The following IFT81 variants were observed in gnomAD, a reference collection of about 807,000 sequenced individuals.
IFT81 encodes intraflagellar transport 81, also known as intraflagellar transport protein 81 homolog.
IFT81 carries 72 observed loss-of-function variants against 102.6 expected under a neutral mutation model. That is an observed-to-expected ratio of 0.70 (90% CI 0.58 to 0.85). The LOEUF (loss-of-function observed/expected upper bound fraction) is 0.85, where lower values mean the gene tolerates loss of function less well. Among genes scored for constraint, IFT81 ranks in the 40% least tolerant of loss-of-function variants. IFT81 has a pLI of 0.00. For missense variants in IFT81, 723 were observed against 787.3 expected (o/e 0.92, Z 0.98); for synonymous variants, 237 against 242.7 (o/e 0.98, Z 0.22).
intron 1 of IFT81, among the ~76,000 whole-genome samples, chr12:110,125,080 A>G (rs1177721250): frequency 1.3e-5 from 2 of 152,164 alleles, no homozygotes; most frequent in Non-Finnish European, 2.9e-5. Flanking sequence ...TAGTTTATCC[A>G]GATTTTTTTT....
At chr12:110,173,020 C>T (rs1444601176) in intron 11 of IFT81, among the ~76,000 whole-genome samples, 1 of 149,160 alleles carries the variant, frequency 6.7e-6, no homozygotes, top group African/African-American at 2.5e-5. Context: ...GGCCAGCCGC[C>T]CCGTCCAGGA....
At chr12:110,134,256 C>T (rs1593280398) in intron 5 of IFT81, among the ~76,000 whole-genome samples, 1 of 152,288 alleles carries the variant, frequency 6.6e-6, no homozygotes, top group East Asian at 1.9e-4. Context: ...ACAGTGCTAT[C>T]GGTAATGAGT....
intron 17 of IFT81, among the ~76,000 whole-genome samples, chr12:110,207,538 T>C (rs867121844): frequency 6.6e-6 from 1 of 151,594 alleles, no homozygotes; most frequent in Admixed American, 6.6e-5. Flanking sequence ...TGTGTTCCTT[T>C]ACCCCTCGTC....
At chr12:110,190,616 ATTCT>A (rs1435240291) in intron 12 of IFT81, among the ~76,000 whole-genome samples, 3 of 152,078 alleles carry the variant, frequency 2.0e-5, no homozygotes, top group Admixed American at 6.6e-5. Flanking sequence ...TTGAGAATTC[ATTCT>A]TTCATCAAAT....
At chr12:110,175,858 A>G (rs954000620) in intron 11 of IFT81, among the ~76,000 whole-genome samples, 2 of 152,092 alleles carry the variant, frequency 1.3e-5, no homozygotes, top group African/African-American at 2.4e-5. Flanking sequence ...TCTGTTGCCC[A>G]GTATCTTCTC....
intron 10 of IFT81, among the ~76,000 whole-genome samples, chr12:110,148,810 T>G (rs762644298): frequency 1.3e-5 from 2 of 152,232 alleles, no homozygotes; most frequent in African/African-American, 2.4e-5. Context: ...TCTCATCAAC[T>G]ATTTGGTTAT....
At chr12:110,213,565 G>GT (rs1869735253) in intron 18 of IFT81, among the ~76,000 whole-genome samples, 1 of 152,140 alleles carries the variant, frequency 6.6e-6, no homozygotes, top group Non-Finnish European at 1.5e-5. Context: ...TTGCACAGTG[G>GT]TAACATTCTG....
intron 9 of IFT81, among the ~76,000 whole-genome samples, chr12:110,145,038 T>TC (rs996196590): frequency 6.8e-6 from 1 of 147,194 alleles, no homozygotes; most frequent in African/African-American, 2.5e-5. Context: ...ATTTTTTTTT[T>TC]TTTTTTTTTT....
chr12:110,140,341 A>C (rs1214263634), intron 8 of IFT81, among the ~76,000 whole-genome samples: 1 of 152,110 alleles, frequency 6.6e-6, no homozygotes, highest in Non-Finnish European at 1.5e-5. Flanking sequence ...ATCAGCTTTT[A>C]ATCAAGATCA....
intron 11 of IFT81, among the ~76,000 whole-genome samples, chr12:110,173,329 G>A (rs1434916799): frequency 4.8e-5 from 7 of 144,496 alleles, no homozygotes; most frequent in Admixed American, 3.4e-4. Context: ...CACCCCGTCC[G>A]GGAGGGAGGT....
At chr12:110,191,118 T>C in intron 13 of IFT81, 70 bp downstream of exon 13, 4 of 1,374,970 alleles carry the variant, frequency 2.9e-6, no homozygotes, top group Non-Finnish European at 3.9e-6. Flanking sequence ...GTTAGTTTTA[T>C]TTTCAGTGAA....
intron 12 of IFT81, among the ~76,000 whole-genome samples, chr12:110,187,881 T>C (rs1490939034): frequency 6.6e-6 from 1 of 152,198 alleles, no homozygotes; most frequent in African/African-American, 2.4e-5. Context: ...TAGGTCTTAC[T>C]GCTAGGTTAT....
intron 11 of IFT81, chr12:110,168,620 C>T (rs769105625): frequency 1.6e-5 from 3 of 187,048 alleles, no homozygotes; most frequent in Non-Finnish European, 2.0e-5. Context: ...GCCAGAGTCC[C>T]ACATGAGGGT....
At chr12:110,146,633 A>G (rs1895240163) in intron 9 of IFT81, among the ~76,000 whole-genome samples, 2 of 152,208 alleles carry the variant, frequency 1.3e-5, no homozygotes, top group African/African-American at 4.8e-5. Flanking sequence ...TCCCCATAAC[A>G]TTAATGAAAC....
At chr12:110,139,571 G>C (rs2137338227) in intron 8 of IFT81, among the ~76,000 whole-genome samples, 1 of 151,458 alleles carries the variant, frequency 6.6e-6, no homozygotes, top group Admixed American at 6.6e-5. Context: ...AGGAGAGCGA[G>C]ACCATCCTGG....
intron 11 of IFT81, among the ~76,000 whole-genome samples, chr12:110,166,870 G>T (rs535294468): frequency 2.6e-4 from 40 of 151,856 alleles, no homozygotes; most frequent in Non-Finnish European, 5.4e-4. Flanking sequence ...TTGTTTGGAT[G>T]TAAAACTTTA....
intron 4 of IFT81, among the ~76,000 whole-genome samples, chr12:110,131,047 C>T (rs968936583): frequency 6.6e-6 from 1 of 152,014 alleles, no homozygotes; most frequent in African/African-American, 2.4e-5. Context: ...CTTTGGGAGG[C>T]CAAGGTGGGC....
Position 110,187,704 on chromosome 12 carries a change from A to C in IFT81, c.1339-3216A>C, listed in dbSNP as rs141024021. On this transcript the variant is annotated intron_variant, in intron 12 of 18. Coordinates refer to ENST00000242591, the MANE Select transcript of IFT81 (RefSeq NM_014055.4). Reference sequence around the variant, plus strand: ...ATTTGTTTTTCTATAAGGAGGATTTAATTTTTTTCTAGAAAGTTACCTTGA... The same window carrying C: ...ATTTGTTTTTCTATAAGGAGGATTTCATTTTTTTCTAGAAAGTTACCTTGA... 6.9e-3 allele frequency among the ~76,000 whole-genome samples: 1,043 copies of C among 152,224 alleles called. 1 individual carries two copies. The highest frequency in any genetic ancestry group is 9.4e-3 in the Non-Finnish European group (641 of 67,998).
In IFT81 at chr12:110,190,920, C is replaced by A. The variant is rs756819594; in HGVS notation, c.1339C>A (p.Gln447Lys). 3 of 1,517,576 alleles carry A rather than the reference C, an allele frequency of 2.0e-6. No homozygotes were observed. The highest frequency in any genetic ancestry group is 2.6e-6 in the Non-Finnish European group (3 of 1,137,066). 94.0% of individuals were successfully genotyped at this position (1,517,576 alleles called of 1,614,324 possible). A position where few individuals can be genotyped will look rare whatever the true frequency, so the allele number is the denominator to read the frequency against. Residue 447 changes from glutamine to lysine, a missense_variant and splice_region_variant, in exon 13 of 19, where the codon CAA becomes AAA. Physicochemically the swap from Gln to Lys is moderately conservative, Grantham distance 53. Coordinates refer to ENST00000242591, the MANE Select transcript of IFT81 (RefSeq NM_014055.4). Reference sequence around the variant, plus strand: ...TGGCCTTTTTATTTTTTACTTATAGCAAACTATGGAGGAGAAAAAGGGTAT... The same window carrying A: ...TGGCCTTTTTATTTTTTACTTATAGAAAACTATGGAGGAGAAAAAGGGTAT... ...QRHENIQQQLQTMEEKKGISG... is the reference protein window; with the variant it reads ...QRHENIQQQLKTMEEKKGISG...
Sources: gnomAD v4.1 joint callset for allele counts (sites outside exome capture counted in the v4.1 genomes callset) on GRCh38, gnomAD v4.1.1 for gene constraint, MANE v1.5 for transcripts, NCBI Gene and HGNC (gene_info 2026-07-23, HGNC 2026-07-21) for gene names.